Variants in PARM1 observed in about 807,000 individuals in gnomAD.
The protein encoded by PARM1 is WSC4, cell wall integrity and stress response component 4 homolog.
In PARM1, 14 loss-of-function variants were observed where a neutral mutation model predicts 24.6. The observed-to-expected ratio is 0.57, with a 90% confidence interval of 0.38 to 0.89. PARM1 has a LOEUF of 0.89. Among genes scored for constraint, PARM1 ranks in the 40% least tolerant of loss-of-function variants. The pLI, the probability that PARM1 is intolerant of heterozygous loss-of-function variation, is 0.00. For synonymous variants in PARM1, 179 were observed against 156.6 expected (o/e 1.14, Z -1.07); for missense variants, 362 against 380.4 (o/e 0.95, Z 0.40).
At chr4:75,041,474 A>G (rs958699223) in intron 3 of PARM1, among the ~76,000 whole-genome samples, 1 of 152,114 alleles carries the variant, frequency 6.6e-6, no homozygotes, top group Admixed American at 6.5e-5. Flanking sequence ...TAAAGAGGAG[A>G]GGGCTTTGTG....
At chr4:74,976,413 C>G (rs1722138826) in intron 1 of PARM1, among the ~76,000 whole-genome samples, 2 of 152,180 alleles carry the variant, frequency 1.3e-5, no homozygotes, top group South Asian at 4.1e-4. Context: ...GGAATTTCAG[C>G]AATTCTAGCC....
At chr4:74,970,080 C>T (rs979486065) in intron 1 of PARM1, 1 of 152,196 alleles carries the variant, frequency 6.6e-6, no homozygotes, top group African/African-American at 2.4e-5. Flanking sequence ...TCTCCACTCA[C>T]ATGTCATCTA....
chr4:75,027,203 A>G (rs1423529034), intron 2 of PARM1, among the ~76,000 whole-genome samples: 1 of 151,798 alleles, frequency 6.6e-6, no homozygotes, highest in Non-Finnish European at 1.5e-5. Flanking sequence ...AATCCTGCCC[A>G]CCCCAGAATG....
intron 1 of PARM1, among the ~76,000 whole-genome samples, chr4:74,950,061 C>A (rs1721493355): frequency 6.6e-6 from 1 of 151,948 alleles, no homozygotes; most frequent in African/African-American, 2.4e-5. Context: ...TCTCAGTTGC[C>A]CAGAAGCAAA....
At position 75,047,963 on chromosome 4, in the gene PARM1, T is replaced by C. The variant is rs1182006796; in HGVS notation, c.*1716T>C. On this transcript the variant is annotated 3_prime_UTR_variant, in exon 4 of 4. Transcript: ENST00000307428. ...CATCTTATGTCCTGATTTCATATAG[T>C]AGAAAACAAACATTGGGTCCGACTT... 2 of 152,208 alleles carry C rather than the reference T, an allele frequency of 1.3e-5. No individual in the cohort carries two copies. Among genetic ancestry groups the C allele is most frequent in the African/African-American group, 4.8e-5 (2 of 41,464 alleles). The allele number at this position is 152,208 out of a possible 1,614,324, so 9.4% of individuals were successfully genotyped here.
At chr4:75,020,943 A>G (rs1723079286) in intron 2 of PARM1, among the ~76,000 whole-genome samples, 1 of 152,160 alleles carries the variant, frequency 6.6e-6, no homozygotes, top group Non-Finnish European at 1.5e-5. Flanking sequence ...TCACAAGTCA[A>G]TTGCATCTCT....
intron 2 of PARM1, among the ~76,000 whole-genome samples, chr4:75,030,165 T>C (rs1723249167): frequency 6.6e-6 from 1 of 152,186 alleles, no homozygotes; most frequent in Non-Finnish European, 1.5e-5. Context: ...GAAGAGTTGC[T>C]ATTTAGCTAG....
chr4:74,992,685 G>A (rs1157286722), intron 1 of PARM1, among the ~76,000 whole-genome samples: 2 of 152,164 alleles, frequency 1.3e-5, no homozygotes, highest in African/African-American at 4.8e-5. Flanking sequence ...TGAGAAGAAA[G>A]TGAAGAAGCA....
At chr4:75,002,469 T>TA (rs1184432800) in intron 1 of PARM1, among the ~76,000 whole-genome samples, 3 of 151,834 alleles carry the variant, frequency 2.0e-5, no homozygotes, top group Admixed American at 6.6e-5. Context: ...TTTTTTTTTT[T>TA]AATTTCAGTG....
At chr4:75,001,542 C>A (rs569404232) in intron 1 of PARM1, among the ~76,000 whole-genome samples, 1 of 152,040 alleles carries the variant, frequency 6.6e-6, no homozygotes, top group African/African-American at 2.4e-5. Flanking sequence ...ATCTTGCTGG[C>A]GGTAGCACAG....
chr4:74,964,911 A>C (rs1721867225), intron 1 of PARM1, among the ~76,000 whole-genome samples: 1 of 152,224 alleles, frequency 6.6e-6, no homozygotes, highest in East Asian at 1.9e-4. Flanking sequence ...TTCTCTTGAA[A>C]GTTTAGGAAT....
chr4:75,033,040 G>A (rs1723301915), intron 2 of PARM1, among the ~76,000 whole-genome samples: 1 of 152,206 alleles, frequency 6.6e-6, no homozygotes, highest in African/African-American at 2.4e-5. Context: ...AGTATTTGGA[G>A]GAGGTGTGGT....
chr4:74,971,544 G>A (rs1325959610), intron 1 of PARM1, among the ~76,000 whole-genome samples: 1 of 152,102 alleles, frequency 6.6e-6, no homozygotes, highest in Non-Finnish European at 1.5e-5. Context: ...AGCATTTTGT[G>A]TCACTCTTAA....
chr4:74,933,403 C>G (rs1472850348), intron 1 of PARM1, 33 bp downstream of exon 1: 1 of 1,602,240 alleles, frequency 6.2e-7, no homozygotes, highest in Non-Finnish European at 8.5e-7. Flanking sequence ...AAGGGCAGGT[C>G]GCGGGGTGGG....
chr4:74,933,387 T>C lies in PARM1; in HGVS notation c.43+17T>C. The C allele has an allele frequency of 6.2e-7, 1 of 1,611,196 alleles. No individual in the cohort carries two copies. Among genetic ancestry groups the C allele is most frequent in the South Asian group, 1.1e-5 (1 of 90,758 alleles). On this transcript the variant is annotated intron_variant, in intron 1 of 3. Transcript: ENST00000307428. Reference sequence around the variant, plus strand: ...TAACTGCAGGTAATTGGCGCCATCCTCCCGGAAGGGCAGGTCGCGGGGTGG... The same window carrying C: ...TAACTGCAGGTAATTGGCGCCATCCCCCCGGAAGGGCAGGTCGCGGGGTGG...
At chr4:74,963,273 A>G (rs955199115) in intron 1 of PARM1, among the ~76,000 whole-genome samples, 1 of 152,250 alleles carries the variant, frequency 6.6e-6, no homozygotes, top group Non-Finnish European at 1.5e-5. Context: ...TTTTACTTCA[A>G]TTTTTAAAAA....
intron 2 of PARM1, among the ~76,000 whole-genome samples, chr4:75,025,119 G>T (rs906661167): frequency 3.9e-5 from 6 of 152,246 alleles, no homozygotes; most frequent in African/African-American, 1.4e-4. Flanking sequence ...TCATGGAGAT[G>T]CTGGCACCTA....
At chr4:74,970,387 G>A (rs919737217) in intron 1 of PARM1, 5 of 152,162 alleles carry the variant, frequency 3.3e-5, no homozygotes, top group Non-Finnish European at 7.4e-5. Context: ...GAGGCTGGAC[G>A]GCTCACATGT....
chr4:74,961,235 A>C (rs949205780), intron 1 of PARM1, among the ~76,000 whole-genome samples: 11 of 152,170 alleles, frequency 7.2e-5, no homozygotes, highest in Non-Finnish European at 1.3e-4. Flanking sequence ...AAGACAGGAC[A>C]ATGGAAATTG....
Sources: gnomAD v4.1 joint callset for allele counts (sites outside exome capture counted in the v4.1 genomes callset) on GRCh38, gnomAD v4.1.1 for gene constraint, MANE v1.5 for transcripts, NCBI Gene and HGNC (gene_info 2026-07-23, HGNC 2026-07-21) for gene names.